Variants in RP1 observed in about 807,000 individuals in gnomAD.
The protein encoded by RP1 is RP1 axonemal microtubule associated.
RP1 carries 16 observed loss-of-function variants against 14.8 expected under a neutral mutation model. The observed-to-expected ratio is 1.08, with a 90% CI of 0.73 to 1.65. The LOEUF (loss-of-function observed/expected upper bound fraction) is 1.65, where lower values mean the gene tolerates loss of function less well. Among genes scored for constraint, RP1 ranks in the 40% most tolerant of loss-of-function variants. The pLI is 0.00. For missense variants in RP1, 2,631 were observed against 2,535.0 expected (o/e 1.04, Z -0.81); for synonymous variants, 876 against 883.6 (o/e 0.99, Z 0.15).
exon 29 of RP1, chr8:54,870,689 A>C (rs373602150): frequency 6.6e-6 from 1 of 152,176 alleles, no homozygotes; most frequent in Non-Finnish European, 1.5e-5. Context: ...TTAATTTGGC[A>C]CATAAGCTAA....
chr8:54,803,353 C>A (rs748903964), intron 24 of RP1, among the ~76,000 whole-genome samples: 1 of 151,990 alleles, frequency 6.6e-6, no homozygotes. Context: ...CAGATGAACA[C>A]GGGAAAAATG....
At chr8:54,715,108 T>C (rs1158058221) in intron 15 of RP1, among the ~76,000 whole-genome samples, 2 of 152,252 alleles carry the variant, frequency 1.3e-5, no homozygotes, top group Non-Finnish European at 2.9e-5. Flanking sequence ...TTGACAAATA[T>C]TAAGTATGAA....
chr8:54,842,399 G>T (rs770208055), intron 25 of RP1, among the ~76,000 whole-genome samples: 1 of 152,174 alleles, frequency 6.6e-6, no homozygotes, highest in Non-Finnish European at 1.5e-5. Context: ...GCAAAGAAGG[G>T]CTCTGAATCA....
At chr8:54,650,856 G>A (rs1285934572) in intron 4 of RP1, among the ~76,000 whole-genome samples, 1 of 151,884 alleles carries the variant, frequency 6.6e-6, no homozygotes, top group African/African-American at 2.4e-5. Flanking sequence ...TCCTGATTTG[G>A]GGGAAAAGCT....
intron 7 of RP1, chr8:54,663,903 A>G (rs1193506254): frequency 7.0e-7 from 1 of 1,426,522 alleles, no homozygotes; most frequent in African/African-American, 1.5e-5. Context: ...AAAAACACAT[A>G]AAATAAGATT....
chr8:54,572,330 T>A (rs1489109005), intron 1 of RP1, among the ~76,000 whole-genome samples: 4 of 152,362 alleles, frequency 2.6e-5, no homozygotes, highest in African/African-American at 9.6e-5. Context: ...GTTCAGTTAA[T>A]CTTCTGGATC....
chr8:54,621,233 G>A lies in RP1; in HGVS notation c.267G>A (p.Arg89=). 1 of 1,614,130 alleles carries A rather than the reference G, an allele frequency of 6.2e-7. No individual in the cohort carries two copies. Among genetic ancestry groups the A allele is most frequent in the Non-Finnish European group, 8.5e-7 (1 of 1,180,024 alleles). Residue 89 remains arginine (R), a synonymous_variant, in exon 2 of 4, where the codon AGG becomes AGA. Coordinates refer to ENST00000220676, the MANE Select transcript of RP1 (RefSeq NM_006269.2). ...GGAACATCAGCACCCCTCGGGGCAG[G>A]CACAGCATCACGCGCCTGGAGGAGC... ...GVRNISTPRG[R]HSITRLEELE...
chr8:54,595,150 G>A (rs1427872837), intron 1 of RP1, among the ~76,000 whole-genome samples: 1 of 141,676 alleles, frequency 7.1e-6, no homozygotes, highest in Non-Finnish European at 1.5e-5. Context: ...TTTTTTTTGA[G>A]ATGGAGTCTT....
chr8:54,798,769 AG>A (rs902657358), intron 24 of RP1, among the ~76,000 whole-genome samples: 23 of 152,170 alleles, frequency 1.5e-4, no homozygotes, highest in African/African-American at 5.5e-4. Flanking sequence ...CACTTAAGGA[AG>A]AAAAAGTAAA....
At chr8:54,869,840 C>T (rs1316537509) in intron 28 of RP1, 6 of 1,211,436 alleles carry the variant, frequency 5.0e-6, no homozygotes, top group South Asian at 8.4e-5. Flanking sequence ...TTTTGCATGG[C>T]AGATGGCTAG....
At chr8:54,664,355 A>G (rs751913041) in intron 7 of RP1, among the ~76,000 whole-genome samples, 1 of 152,136 alleles carries the variant, frequency 6.6e-6, no homozygotes, top group Non-Finnish European at 1.5e-5. Flanking sequence ...TACTGTGTAC[A>G]TAGGGGTGCA....
chr8:54,773,270 A>T (rs1031477682), downstream of RP1, among the ~76,000 whole-genome samples: 2 of 152,172 alleles, frequency 1.3e-5, no homozygotes, highest in Admixed American at 6.6e-5. Flanking sequence ...TGAGATTAGA[A>T]TAATGTACTG....
At chr8:54,740,403 T>TAAAAAAA (rs34753388) in intron 19 of RP1, among the ~76,000 whole-genome samples, 39 of 80,212 alleles carry the variant, frequency 4.9e-4, no homozygotes, top group Admixed American at 8.7e-4. Context: ...GCTTAAAAAG[T>TAAAAAAA]AAAAAAAAAA....
At chr8:54,867,351 T>G (rs1023375999) in intron 28 of RP1, among the ~76,000 whole-genome samples, 3 of 152,226 alleles carry the variant, frequency 2.0e-5, no homozygotes, top group African/African-American at 7.2e-5. Context: ...TAGTAGTAGC[T>G]ATTGCCATTT....
intron 12 of RP1, among the ~76,000 whole-genome samples, chr8:54,697,598 C>T (rs1295460097): frequency 6.6e-6 from 1 of 152,032 alleles, no homozygotes; most frequent in African/African-American, 2.4e-5. Context: ...TCATGGCAAG[C>T]ACCTCTCATC....
chr8:54,679,927 A>G, exon 12 of RP1: 5 of 1,535,938 alleles, frequency 3.3e-6, no homozygotes, highest in Non-Finnish European at 3.5e-6. Context: ...GAAGACAGAC[A>G]AATATGGTAA....
At chr8:54,755,638 C>T (rs1417608212) in exon 21 of RP1, 13 of 1,535,852 alleles carry the variant, frequency 8.5e-6, no homozygotes, top group Admixed American at 2.0e-5. Context: ...ACCAGGTTGA[C>T]GTCTACACTG....
At chr8:54,584,519 G>A (rs1452438135) in intron 1 of RP1, among the ~76,000 whole-genome samples, 10 of 152,100 alleles carry the variant, frequency 6.6e-5, no homozygotes, top group Admixed American at 2.0e-4. Context: ...TATTAGGTCC[G>A]CTTGGTGCAG....
At chr8:54,559,914 C>T (rs1804247173) in intron 1 of RP1, among the ~76,000 whole-genome samples, 1 of 152,046 alleles carries the variant, frequency 6.6e-6, no homozygotes, top group Non-Finnish European at 1.5e-5. Context: ...GGACTCAGTC[C>T]CCAACTGGGA....
Sources: allele counts gnomAD v4.1 joint callset (sites outside exome capture counted in the v4.1 genomes callset), GRCh38; gene constraint gnomAD v4.1.1; transcripts MANE v1.5; gene names NCBI Gene and HGNC (gene_info 2026-07-23, HGNC 2026-07-21).